SEPTIN7: variants seen among roughly 807,000 people sequenced by gnomAD.
SEPTIN7 encodes septin-7.
A neutral mutation model predicts 63.3 loss-of-function variants in SEPTIN7; 10 were observed. The ratio of observed to expected loss-of-function variants is 0.16; its 90% CI spans 0.10 to 0.27. The LOEUF (loss-of-function observed/expected upper bound fraction) is 0.27. SEPTIN7 is among the 10% of genes least tolerant of loss of function. The pLI, the probability that SEPTIN7 is intolerant of heterozygous loss-of-function variation, is 1.00. For synonymous variants in SEPTIN7, 131 were observed against 165.3 expected (o/e 0.79, Z 1.59); for missense variants, 310 against 521.0 (o/e 0.59, Z 3.94).
intron 12 of SEPTIN7, chr7:35,899,068 C>G (rs1356614423): frequency 6.6e-6 from 1 of 151,960 alleles, no homozygotes; most frequent in Non-Finnish European, 1.5e-5. Flanking sequence ...ACATTTCCTT[C>G]AATAGGTGGC....
Position 35,880,587 on chromosome 7 carries a change from T to C in SEPTIN7, c.630+647T>C, listed in dbSNP as rs191801214. ...TAGTACTTGGTATTACCCGTATTTA[T>C]TGATATGGGTTCTTTTTATTCTGGA... On this transcript the variant is annotated intron_variant, in intron 7 of 13. Coordinates refer to ENST00000350320, the MANE Select transcript of SEPTIN7 (RefSeq NM_001788.6). 4.4e-4 allele frequency among the ~76,000 whole-genome samples: 67 copies of C among 152,198 alleles called. 1 individual carries two copies. The highest frequency in any genetic ancestry group is 1.6e-3 in the African/African-American group (65 of 41,566).
At chr7:35,891,506 G>A (rs1242214650) in intron 11 of SEPTIN7, among the ~76,000 whole-genome samples, 1 of 152,138 alleles carries the variant, frequency 6.6e-6, no homozygotes, top group East Asian at 1.9e-4. Context: ...ATAATGTCAA[G>A]TATTTGTGTA....
intron 3 of SEPTIN7, among the ~76,000 whole-genome samples, chr7:35,853,433 C>T (rs537633231): frequency 3.3e-5 from 5 of 152,042 alleles, no homozygotes; most frequent in African/African-American, 4.8e-5. Flanking sequence ...CGGGGCTGGG[C>T]GGGGGAAGTG....
At chr7:35,836,196 G>A (rs1413520834) in intron 3 of SEPTIN7, among the ~76,000 whole-genome samples, 3 of 149,998 alleles carry the variant, frequency 2.0e-5, no homozygotes, top group Admixed American at 6.6e-5. Flanking sequence ...CAGTGAAGTT[G>A]TCTAACCTGT....
intron 8 of SEPTIN7, among the ~76,000 whole-genome samples, chr7:35,882,872 G>C (rs899600580): frequency 1.3e-5 from 2 of 152,008 alleles, no homozygotes; most frequent in Non-Finnish European, 2.9e-5. Context: ...GATGAGAAAG[G>C]AGAGAATTCG....
At chr7:35,861,819 G>A (rs1029999588) in intron 3 of SEPTIN7, among the ~76,000 whole-genome samples, 2 of 152,296 alleles carry the variant, frequency 1.3e-5, no homozygotes, top group Middle Eastern at 3.4e-3. Flanking sequence ...CATTTGAAGG[G>A]AATGAATTGG....
intron 1 of SEPTIN7, among the ~76,000 whole-genome samples, chr7:35,805,969 G>A (rs529742142): frequency 6.6e-6 from 1 of 152,298 alleles, no homozygotes; most frequent in South Asian, 2.1e-4. Context: ...ATTATTTGAG[G>A]GAGGGGAGGG....
chr7:35,915,500 A>T, the SEPTIN7 span, among the ~76,000 whole-genome samples: 2 of 152,234 alleles, frequency 1.3e-5, no homozygotes, highest in Non-Finnish European at 2.9e-5. Flanking sequence ...CACTAATGTC[A>T]TGTTACTTAC....
At chr7:35,812,480 C>T (rs1223179261) in intron 1 of SEPTIN7, among the ~76,000 whole-genome samples, 5 of 152,024 alleles carry the variant, frequency 3.3e-5, no homozygotes, top group African/African-American at 1.2e-4. Flanking sequence ...ATAAATGCAC[C>T]ATCAACGTTA....
At chr7:35,892,917 A>G (rs895302347) in intron 11 of SEPTIN7, among the ~76,000 whole-genome samples, 12 of 152,200 alleles carry the variant, frequency 7.9e-5, no homozygotes, top group Admixed American at 4.6e-4. Flanking sequence ...TATGTTAATA[A>G]TAAATAGGAA....
At chr7:35,914,859 T>C in the SEPTIN7 span, among the ~76,000 whole-genome samples, 1 of 152,022 alleles carries the variant, frequency 6.6e-6, no homozygotes, top group Non-Finnish European at 1.5e-5. Context: ...TAAATATATG[T>C]ATACATAGAT....
chr7:35,911,735 A>C (rs3892551), downstream of SEPTIN7, among the ~76,000 whole-genome samples: 1 of 152,232 alleles, frequency 6.6e-6, no homozygotes, highest in African/African-American at 2.4e-5. Context: ...GCTAAACATT[A>C]AGGATTTGTG....
At chr7:35,880,352 C>A (rs867106162) in intron 7 of SEPTIN7, among the ~76,000 whole-genome samples, 56 of 149,108 alleles carry the variant, frequency 3.8e-4, no homozygotes, top group African/African-American at 1.2e-3. Context: ...ATGGTGCTTT[C>A]CCAATAAAAC....
intron 10 of SEPTIN7, chr7:35,888,989 ATCTGCTATC>A (rs1397011430): frequency 3.9e-6 from 1 of 256,880 alleles, no homozygotes; most frequent in Non-Finnish European, 8.2e-6. Flanking sequence ...AATTCCTATC[ATCTGCTATC>A]TGCATTGGGA....
At chr7:35,830,752 C>T (rs1229495319) in intron 1 of SEPTIN7, among the ~76,000 whole-genome samples, 6 of 152,184 alleles carry the variant, frequency 3.9e-5, no homozygotes, top group Non-Finnish European at 7.3e-5. Flanking sequence ...TAAAAATGCA[C>T]ACTTTTCACA....
downstream of SEPTIN7, among the ~76,000 whole-genome samples, chr7:35,908,268 G>A (rs933907108): frequency 6.6e-6 from 1 of 152,146 alleles, no homozygotes; most frequent in Non-Finnish European, 1.5e-5. Flanking sequence ...AAAGTTTAGT[G>A]TCAGCCATTT....
intron 1 of SEPTIN7, among the ~76,000 whole-genome samples, chr7:35,830,527 G>A (rs904047670): frequency 1.3e-5 from 2 of 152,190 alleles, no homozygotes; most frequent in East Asian, 3.8e-4. Flanking sequence ...ATTCTAAGAT[G>A]CTGCTAAGGT....
chr7:35,872,057 T>G (rs931744625), intron 4 of SEPTIN7, among the ~76,000 whole-genome samples: 4 of 152,178 alleles, frequency 2.6e-5, no homozygotes, highest in Non-Finnish European at 4.4e-5. Context: ...TCTGGACTTT[T>G]GCTGATTACA....
chr7:35,862,080 C>T (rs940674649), intron 3 of SEPTIN7, among the ~76,000 whole-genome samples: 1 of 152,094 alleles, frequency 6.6e-6, no homozygotes, highest in African/African-American at 2.4e-5. Context: ...CTCAATAATA[C>T]TTTTTAAATT....
Sources: gnomAD v4.1 joint callset for allele counts (sites outside exome capture counted in the v4.1 genomes callset) on GRCh38, gnomAD v4.1.1 for gene constraint, MANE v1.5 for transcripts, NCBI Gene and HGNC (gene_info 2026-07-23, HGNC 2026-07-21) for gene names.